Variants in SIPA1L1 observed in about 807,000 individuals in gnomAD.
The protein encoded by SIPA1L1 is signal-induced proliferation-associated 1-like protein 1.
A neutral mutation model predicts 162.7 loss-of-function variants in SIPA1L1; 26 were observed. The ratio of observed to expected loss-of-function variants is 0.16; its 90% CI spans 0.12 to 0.22. The LOEUF is 0.22. Among genes scored for constraint, SIPA1L1 ranks in the 10% least tolerant of loss-of-function variants. The pLI, the probability that SIPA1L1 is intolerant of heterozygous loss-of-function variation, is 1.00. For synonymous variants in SIPA1L1, 829 were observed against 837.4 expected (o/e 0.99, Z 0.17); for missense variants, 1,874 against 2,241.0 (o/e 0.84, Z 3.31).
chr14:71,700,960 A>G lies in SIPA1L1; in HGVS notation c.3522-1421A>G, dbSNP rs188920789. 9.4e-3 allele frequency among the ~76,000 whole-genome samples: 1,090 copies of G among 116,040 alleles called. 8 individuals are homozygous for G. Among genetic ancestry groups the G allele is most frequent in the Middle Eastern group, 0.015 (2 of 130 alleles). 76.1% of individuals were successfully genotyped at this position (116,040 alleles called of 152,430 possible). A position where few individuals can be genotyped will look rare whatever the true frequency, so the allele number is the denominator to read the frequency against. ...AGTGAGCCCGAGATTGCGCCACTGC[A>G]CTCCAGCCTAGGGGACAGAGCAAGA... On this transcript the variant is annotated intron_variant, in intron 14 of 23. Transcript: ENST00000381232.
At chr14:71,492,804 T>G (rs1595747636) in intron 2 of SIPA1L1, among the ~76,000 whole-genome samples, 1 of 149,330 alleles carries the variant, frequency 6.7e-6, no homozygotes, top group African/African-American at 2.4e-5. Context: ...TTTTTTTTTT[T>G]AATGTAGGGA....
At chr14:71,623,288 C>G (rs2039636642) in intron 6 of SIPA1L1, among the ~76,000 whole-genome samples, 1 of 152,200 alleles carries the variant, frequency 6.6e-6, no homozygotes, top group Non-Finnish European at 1.5e-5. Context: ...GTTTTCTCTT[C>G]TTTCCCCATG....
chr14:71,667,793 T>C (rs1459007489), intron 10 of SIPA1L1, among the ~76,000 whole-genome samples: 1 of 152,160 alleles, frequency 6.6e-6, no homozygotes, highest in Non-Finnish European at 1.5e-5. Flanking sequence ...AGGCCGGGCG[T>C]GTTGGCTCAT....
At chr14:71,352,810 A>G (rs1038197653) in intron 2 of SIPA1L1, among the ~76,000 whole-genome samples, 1 of 152,214 alleles carries the variant, frequency 6.6e-6, no homozygotes, top group Admixed American at 6.5e-5. Flanking sequence ...ATTGATTTGT[A>G]TACCTATTAA....
At chr14:71,474,353 G>A (rs910859218) in intron 2 of SIPA1L1, among the ~76,000 whole-genome samples, 3 of 152,238 alleles carry the variant, frequency 2.0e-5, no homozygotes, top group Admixed American at 1.3e-4. Context: ...TGATTCTGCT[G>A]TTGGCCAACT....
At chr14:71,415,563 A>G (rs565518724) in intron 2 of SIPA1L1, among the ~76,000 whole-genome samples, 210 of 152,358 alleles carry the variant, frequency 1.4e-3, no homozygotes, top group Non-Finnish European at 2.5e-3. Flanking sequence ...AAGAAAAGTC[A>G]GTACATATTA....
chr14:71,388,105 G>A (rs2040477696), intron 2 of SIPA1L1, among the ~76,000 whole-genome samples: 1 of 152,204 alleles, frequency 6.6e-6, no homozygotes, highest in Non-Finnish European at 1.5e-5. Context: ...AATGACTCTG[G>A]TGTGCAGAAA....
At chr14:71,346,760 G>A (rs778655366) in intron 2 of SIPA1L1, among the ~76,000 whole-genome samples, 1 of 152,182 alleles carries the variant, frequency 6.6e-6, no homozygotes, top group Non-Finnish European at 1.5e-5. Flanking sequence ...GGCTTTTAAT[G>A]TATTCACAGC....
At chr14:71,718,926 C>CT (rs895316458) in intron 17 of SIPA1L1, among the ~76,000 whole-genome samples, 23 of 147,926 alleles carry the variant, frequency 1.6e-4, no homozygotes, top group Middle Eastern at 3.5e-3. Context: ...AGAATCTTTG[C>CT]TTTTTTTTTT....
intron 2 of SIPA1L1, among the ~76,000 whole-genome samples, chr14:71,357,339 T>C (rs1337044534): frequency 2.0e-5 from 3 of 152,194 alleles, no homozygotes; most frequent in African/African-American, 7.2e-5. Context: ...ATTTTTATAG[T>C]TGAGGAAACC....
intron 17 of SIPA1L1, among the ~76,000 whole-genome samples, chr14:71,714,307 G>C (rs903598346): frequency 5.9e-5 from 9 of 152,272 alleles, no homozygotes; most frequent in African/African-American, 1.9e-4. Context: ...TTGAGAAAAT[G>C]AGCCCTCTGT....
intron 2 of SIPA1L1, among the ~76,000 whole-genome samples, chr14:71,502,150 A>G (rs2050272779): frequency 7.0e-6 from 1 of 142,414 alleles, no homozygotes; most frequent in African/African-American, 2.6e-5. Context: ...AGTATTAGCC[A>G]TGGTTGTTCT....
intron 4 of SIPA1L1, among the ~76,000 whole-genome samples, chr14:71,535,991 C>T (rs1008769136): frequency 6.6e-6 from 1 of 152,148 alleles, no homozygotes; most frequent in African/African-American, 2.4e-5. Flanking sequence ...CTTCTTCTGT[C>T]TGTTGCCTTG....
At chr14:71,403,167 T>C (rs540438748) in intron 2 of SIPA1L1, among the ~76,000 whole-genome samples, 16 of 152,214 alleles carry the variant, frequency 1.1e-4, no homozygotes, top group South Asian at 4.1e-4. Flanking sequence ...AAACAGACTT[T>C]TCATGTACTT....
intron 2 of SIPA1L1, among the ~76,000 whole-genome samples, chr14:71,382,859 A>G (rs1453184659): frequency 1.3e-5 from 2 of 152,228 alleles, no homozygotes; most frequent in African/African-American, 4.8e-5. Context: ...AGCCTTGTCG[A>G]GGAAATCAGA....
intron 5 of SIPA1L1, among the ~76,000 whole-genome samples, chr14:71,614,228 A>G (rs1459340240): frequency 6.6e-6 from 1 of 152,060 alleles, no homozygotes; most frequent in Non-Finnish European, 1.5e-5. Flanking sequence ...CAAAAAAAAA[A>G]AAAACAAAAA....
chr14:71,522,611 C>T (rs907803219), intron 3 of SIPA1L1, among the ~76,000 whole-genome samples: 5 of 152,004 alleles, frequency 3.3e-5, no homozygotes, highest in African/African-American at 9.7e-5. Flanking sequence ...TCAGATTTTC[C>T]GATTTGGAAT....
At chr14:71,370,395 G>A (rs958655362) in intron 2 of SIPA1L1, among the ~76,000 whole-genome samples, 2 of 152,036 alleles carry the variant, frequency 1.3e-5, no homozygotes, top group African/African-American at 4.8e-5. Flanking sequence ...TTTGTCAAAG[G>A]CTTTTTCTGC....
At chr14:71,344,571 A>G (rs957816448) in intron 2 of SIPA1L1, among the ~76,000 whole-genome samples, 1 of 151,346 alleles carries the variant, frequency 6.6e-6, no homozygotes, top group Middle Eastern at 3.4e-3. Flanking sequence ...CTGTCTGTCT[A>G]TCGAGAGAGA....
Sources: gnomAD v4.1 joint callset for allele counts (sites outside exome capture counted in the v4.1 genomes callset) on GRCh38, gnomAD v4.1.1 for gene constraint, MANE v1.5 for transcripts, NCBI Gene and HGNC (gene_info 2026-07-23, HGNC 2026-07-21) for gene names.